Variants in ZNF799 observed in about 807,000 individuals in gnomAD.
ZNF799 encodes the protein zinc finger protein 14.
Under a neutral mutation model 41.0 loss-of-function variants are expected in ZNF799, and 28 were observed. That is an observed-to-expected ratio of 0.68 (90% confidence interval 0.51 to 0.94). The LOEUF (loss-of-function observed/expected upper bound fraction) is 0.94. ZNF799 is among the 40% of genes least tolerant of loss of function. The pLI, the probability that ZNF799 is intolerant of heterozygous loss-of-function variation, is 0.00. For synonymous variants in ZNF799, 213 were observed against 252.9 expected (o/e 0.84, Z 1.50); for missense variants, 716 against 764.3 (o/e 0.94, Z 0.74).
intron 1 of ZNF799, among the ~76,000 whole-genome samples, chr19:12,395,463 T>C (rs1223410017): frequency 6.6e-6 from 1 of 152,158 alleles, no homozygotes; most frequent in Non-Finnish European, 1.5e-5. Context: ...TTCTACTTTA[T>C]CTACAATACA....
chr19:12,401,722 G>A (rs1398819875), upstream of ZNF799, among the ~76,000 whole-genome samples: 4 of 151,114 alleles, frequency 2.6e-5, no homozygotes, highest in South Asian at 2.1e-4. Flanking sequence ...TTACAGGTGC[G>A]CGCCACCACA....
chr19:12,407,485 G>A, the ZNF799 span, among the ~76,000 whole-genome samples: 107,184 of 148,996 alleles, frequency 0.72, 39,806 homozygotes, highest in African/African-American at 0.9. Context: ...GAGAGAGAGA[G>A]AAAAAAAAAG....
chr19:12,391,403 G>A lies in ZNF799; in HGVS notation c.995C>T (p.Thr332Met), dbSNP rs775037488. Reference sequence around the variant, plus strand: ...CTTACACTTATGAGGTCCATCTCTCGTGTGCATTACCATGTGTCTTTGAAA... The same window carrying A: ...CTTACACTTATGAGGTCCATCTCTCATGTGCATTACCATGTGTCTTTGAAA... ...GSFQRHMVMH[T>M]RDGPHKCKIC... Residue 332 changes from threonine (T) to methionine (M), a missense_variant, in exon 4 of 4, where the codon ACG becomes ATG. Around this residue, in one of 2 missense-constraint regions of ZNF799, gnomAD observed 698 missense variants for 713.6 expected, o/e 0.98. Transcript: ENST00000430385. The A allele has an allele frequency of 8.1e-6, 13 of 1,614,102 alleles. No individual in the cohort carries two copies. In the South Asian group the frequency reaches 1.2e-4, roughly 15 times the overall value.
chr19:12,392,092 T>C lies in ZNF799; in HGVS notation c.306A>G (p.Pro102=). 1 of 1,613,720 alleles carries C rather than the reference T, an allele frequency of 6.2e-7. No individual in the cohort carries two copies. ...VTKNTLPGVG[P]YESRMSGEVI... is the part of the protein sequence containing the mutation. The stretch of plus-strand genomic sequence containing the variant: ...CTTCTCCACTCATACGGCTTTCATA[T>C]GGACCTACTCCAGGAAGAGTGTTCT... The change falls in exon 4 of 4, where the codon CCA becomes CCG. Residue 102 remains proline, a synonymous_variant. Coordinates refer to ENST00000430385, the MANE Select transcript of ZNF799 (RefSeq NM_001080821.3).
At chr19:12,406,254 C>A (rs111485121), upstream of ZNF799, among the ~76,000 whole-genome samples, 2 of 148,836 alleles carry the variant, frequency 1.3e-5, no homozygotes, top group East Asian at 2.0e-4. Context: ...CCGAGGCAGG[C>A]GGATCACGAG....
chr19:12,411,708 G>A, the ZNF799 span, among the ~76,000 whole-genome samples: 1 of 152,032 alleles, frequency 6.6e-6, no homozygotes. Context: ...CACCTCCCAG[G>A]TTCAAGCAAT....
chr19:12,401,286 C>A, upstream of ZNF799: 1 of 1,347,320 alleles, frequency 7.4e-7, no homozygotes, highest in South Asian at 1.5e-5. Flanking sequence ...CCCACGAACC[C>A]GCCCCACGGC....
In ZNF799 at chr19:12,391,806, T is replaced by G; in HGVS notation, c.592A>C (p.Lys198Gln). ...MAVQRGDGPY[K>Q]CKLCGKAFFW... ...AACGCTTTCCCACACAACTTACATT[T>G]ATAAGGTCCATCTCCACGCTGCACT... The change falls in exon 4 of 4, where the codon AAA (lysine) becomes CAA (glutamine). Residue 198 changes from lysine to glutamine, a missense_variant. Coordinates refer to ENST00000430385, the MANE Select transcript of ZNF799 (RefSeq NM_001080821.3). The G allele has an allele frequency of 6.2e-7, 1 of 1,614,156 alleles. No individual in the cohort carries two copies. Among genetic ancestry groups the G allele is most frequent in the Non-Finnish European group, 8.5e-7 (1 of 1,180,000 alleles).
chr19:12,400,792 A>T (rs1312975411), intron 1 of ZNF799: 1 of 586,624 alleles, frequency 1.7e-6, no homozygotes, highest in African/African-American at 2.0e-5. Flanking sequence ...TGTTGCTTAC[A>T]GCCGCACAAT....
chr19:12,394,759 T>A, intron 1 of ZNF799: 1 of 985,178 alleles, frequency 1.0e-6, no homozygotes, highest in Non-Finnish European at 1.2e-6. Flanking sequence ...AACAAATCTT[T>A]TAGTAGTCAA....
At chr19:12,410,358 T>A in the ZNF799 span, among the ~76,000 whole-genome samples, 2 of 149,256 alleles carry the variant, frequency 1.3e-5, no homozygotes, top group Non-Finnish European at 3.0e-5. Flanking sequence ...GGTCTCAAAT[T>A]CCTGGGCTCA....
rs141390457 is a variant in ZNF799, at chr19:12,390,958, T to C, written c.1440A>G (p.Glu480=). 9.3e-6 allele frequency: 15 copies of C among 1,614,182 alleles called. No homozygotes were observed. The African/African-American group carries it at 1.7e-4, about 19-fold the overall frequency. Residue 480 remains glutamate (E), a synonymous_variant, in exon 4 of 4, where the codon GAA becomes GAG. Coordinates refer to ENST00000430385, the MANE Select transcript of ZNF799 (RefSeq NM_001080821.3). ...GGAAACAACTGAATGCTTTCCCACA[T>C]TCCTTACACTCATATGGCTTCTCTC... ...HAGEKPYECK[E]CGKAFSCFQY... is the part of the protein sequence containing the mutation.
Position 12,391,484 on chromosome 19 carries a change from T to A in ZNF799, c.914A>T (p.Asp305Val), listed in dbSNP as rs370285412. The change falls in exon 4 of 4, where the codon GAT (aspartate) becomes GTT (valine). Residue 305 changes from aspartate (D) to valine (V), a missense_variant. Physicochemically the swap from Asp to Val is radical, Grantham distance 152. Transcript: ENST00000430385. ...SLRRHETTHT[D>V]EKPYACQQCG... Reference sequence around the variant, plus strand: ...TTGCTGACATGCATAGGGTTTCTCATCAGTGTGAGTTGTTTCGTGTCTTCG... The same window carrying A: ...TTGCTGACATGCATAGGGTTTCTCAACAGTGTGAGTTGTTTCGTGTCTTCG... 13 of 1,613,834 alleles carry A rather than the reference T, an allele frequency of 8.1e-6. No homozygotes were observed. In the African/African-American group the frequency reaches 1.1e-4, roughly 13 times the overall value.
chr19:12,406,859 C>A, the ZNF799 span, among the ~76,000 whole-genome samples: 1 of 152,162 alleles, frequency 6.6e-6, no homozygotes, highest in Non-Finnish European at 1.5e-5. Flanking sequence ...GAGATCGCGT[C>A]ACTGCACTCC....
intron 1 of ZNF799, chr19:12,394,829 T>A (rs1279504511): frequency 4.1e-6 from 4 of 985,290 alleles, no homozygotes; most frequent in Non-Finnish European, 4.8e-6. Flanking sequence ...CTGAAAGCCT[T>A]CTCACCAAGA....
At position 12,390,849 on chromosome 19, in the gene ZNF799, C is replaced by T; in HGVS notation, c.1549G>A (p.Gly517Ser). The T allele has an allele frequency of 3.1e-6, 5 of 1,613,894 alleles. No individual in the cohort carries two copies. The highest frequency in any genetic ancestry group is 4.2e-6 in the Non-Finnish European group (5 of 1,179,972). The change falls in exon 4 of 4, where the codon GGT becomes AGT. Residue 517 changes from glycine to serine, a missense_variant. By Grantham distance (56) the Gly-to-Ser change is moderately conservative. Coordinates refer to ENST00000430385, the MANE Select transcript of ZNF799 (RefSeq NM_001080821.3). ...ATTCTTTCATGTACTTTTAAGTTAC[C>T]AAAATGACTGAAGGCTTTCTTACAT... ...NTCKKAFSHF[G>S]NLKVHERIHS...
the ZNF799 span, among the ~76,000 whole-genome samples, chr19:12,412,578 C>A: frequency 1.3e-5 from 2 of 149,360 alleles, no homozygotes; most frequent in African/African-American, 4.9e-5. Context: ...TCAGCAAAAA[C>A]AAGTGTTCTT....
At chr19:12,393,631 T>C in intron 1 of ZNF799, 2 of 1,431,808 alleles carry the variant, frequency 1.4e-6, no homozygotes, top group Non-Finnish European at 1.8e-6. Flanking sequence ...AAATTAACAG[T>C]GGGATAGAAA....
At position 12,394,793 on chromosome 19, in the gene ZNF799, A is replaced by C. The variant is rs1490254335; in HGVS notation, c.4-1370T>G. 3.0e-6 allele frequency: 3 copies of C among 985,290 alleles called. No homozygotes were observed. In the African/African-American group the frequency reaches 5.2e-5, roughly 17 times the overall value. 61.0% of individuals were successfully genotyped at this position (985,290 alleles called of 1,614,324 possible). On this transcript the variant is annotated intron_variant, in intron 1 of 3. Transcript: ENST00000430385. ...AACAAAAATTACATTACCAAATCTA[A>C]TAGAACTCACAGTATCTAAAAAATG...
Sources: allele counts gnomAD v4.1 joint callset (sites outside exome capture counted in the v4.1 genomes callset), GRCh38; gene constraint gnomAD v4.1.1; regional missense constraint gnomAD v4.1.1; transcripts MANE v1.5; gene names NCBI Gene and HGNC (gene_info 2026-07-23, HGNC 2026-07-21).